PRMT5: variants seen among roughly 807,000 people sequenced by gnomAD.
PRMT5 encodes the protein protein arginine methyltransferase 5.
PRMT5 carries 15 observed loss-of-function variants against 84.0 expected under a neutral mutation model. The ratio of observed to expected loss-of-function variants is 0.18; its 90% CI spans 0.12 to 0.28. The LOEUF (loss-of-function observed/expected upper bound fraction) is 0.28. Ranked by LOEUF, PRMT5 falls within the 10% of genes least tolerant of loss-of-function variation. PRMT5 has a pLI of 1.00. For missense variants in PRMT5, 486 were observed against 808.0 expected, an observed-to-expected ratio of 0.60 and a Z score of 4.83; for synonymous variants, 276 against 292.4, an observed-to-expected ratio of 0.94 and a Z score of 0.57.
Position 22,928,085 on chromosome 14 carries a change from C to G in PRMT5, c.315+41G>C. 6.4e-7 allele frequency: 1 copy of G among 1,569,282 alleles called. No individual in the cohort carries two copies. Among genetic ancestry groups the G allele is most frequent in the Non-Finnish European group, 8.7e-7 (1 of 1,144,904 alleles). ...GGAGGGGACCACTCTCCCCACCCAG[C>G]TTGGTTAGAAAAATCCAGCAGAGAA... On this transcript the variant is annotated intron_variant, in intron 3 of 16. Transcript: ENST00000324366. This position sits in a 1 kb window ranked among gnomAD's most constrained non-coding sequence, Gnocchi z 4.8.
chr14:22,929,274 G>C lies in PRMT5; in HGVS notation c.88C>G (p.Leu30Val), dbSNP rs760315574. 20 of 1,613,816 alleles carry C rather than the reference G, an allele frequency of 1.2e-5. No homozygotes were observed. The African/African-American group carries it at 1.5e-4, about 12-fold the overall frequency. ...CACCCCTGCTTGGCCACAGCCCCTA[G>C]TGTGTCAGCTATTTCGGGGACGCAA... ...LNCVPEIADTLGAVAKQGFDF... is the reference protein window; with the variant it reads ...LNCVPEIADTVGAVAKQGFDF... Residue 30 changes from leucine (L) to valine (V), a missense_variant, in exon 1 of 17, where the codon CTA (leucine) becomes GTA (valine). Around this residue, in one of 4 missense-constraint regions of PRMT5, gnomAD observed 51 missense variants for 53.8 expected, o/e 0.95. Coordinates refer to ENST00000324366, the MANE Select transcript of PRMT5 (RefSeq NM_006109.5).
In PRMT5 at chr14:22,922,235, G is replaced by A. The variant is rs755175826; in HGVS notation, c.1702C>T (p.Arg568Cys). The stretch of plus-strand genomic sequence containing the variant: ...ATCCCAGGAGAGTGAGTCTCTGGAC[G>A]GATACCTGTGTGGACAAAATAATGA... The part of the protein sequence containing the change: ...VLYQDITLSI[R>C]PETHSPGMFS... The change falls in exon 16 of 17, where the codon CGT (arginine) becomes TGT (cysteine). Residue 568 changes from arginine (R) to cysteine (C), a missense_variant. This residue lies in a region of PRMT5 where 219 missense variants were observed against 433.6 expected (regional missense o/e 0.51). Transcript: ENST00000324366. 35 of 1,595,778 alleles carry A rather than the reference G, an allele frequency of 2.2e-5. No homozygotes were observed. Among genetic ancestry groups the A allele is most frequent in the East Asian group, 4.5e-5 (2 of 44,818 alleles).
Position 22,928,635 on chromosome 14 carries a change from A to G in PRMT5, c.111-20T>C, listed in dbSNP as rs757554647. 3.5e-5 allele frequency: 54 copies of G among 1,560,646 alleles called. No individual in the cohort carries two copies. The highest frequency in any genetic ancestry group is 4.5e-5 in the Non-Finnish European group (51 of 1,131,544). ...TCAAACCTACAACCGCGACAGACCC[A>G]GAATCATGTAAAGACAGCAGCAGTG... is the stretch of plus-strand genomic sequence containing the variant. On this transcript the variant is annotated intron_variant, in intron 1 of 16. Transcript: ENST00000324366. The surrounding 1 kb of genome is among the most constrained non-coding windows in gnomAD (Gnocchi z 4.8).
intron 16 of PRMT5, 22 bp downstream of exon 16, chr14:22,922,154 G>C (rs746568218): frequency 3.9e-6 from 6 of 1,532,508 alleles, no homozygotes; most frequent in Admixed American, 3.3e-5. Context: ...CTTAACTAGA[G>C]AGTCTTAAAA....
chr14:22,928,047 G>A lies in PRMT5; in HGVS notation c.315+79C>T. On this transcript the variant is annotated intron_variant, in intron 3 of 16. Transcript: ENST00000324366. The surrounding 1 kb of genome is among the most constrained non-coding windows in gnomAD (Gnocchi z 4.8). Reference sequence around the variant, plus strand: ...TTCATTCTATCAGTTAATTTACCAAGTTATTGGGGATGGGAGGGGACCACT... The same window carrying A: ...TTCATTCTATCAGTTAATTTACCAAATTATTGGGGATGGGAGGGGACCACT... 1 of 1,247,652 alleles carries A rather than the reference G, an allele frequency of 8.0e-7. No homozygotes were observed. The highest frequency in any genetic ancestry group is 1.3e-5 in the South Asian group (1 of 75,660). 77.3% of individuals were successfully genotyped at this position (1,247,652 alleles called of 1,614,324 possible).
At chr14:22,927,182 T>C (rs1242184453) in intron 4 of PRMT5, among the ~76,000 whole-genome samples, 3 of 150,624 alleles carry the variant, frequency 2.0e-5, no homozygotes, top group Non-Finnish European at 3.0e-5. Context: ...GCCTCACAGG[T>C]TCAAGTCATC....
At position 22,923,966 on chromosome 14, in the gene PRMT5, C is replaced by T. The variant is rs764842659; in HGVS notation, c.1375+42G>A. The T allele has an allele frequency of 1.1e-5, 17 of 1,520,464 alleles. No homozygotes were observed. The highest frequency in any genetic ancestry group is 1.1e-4 in the African/African-American group (8 of 71,596). The allele number at this position is 1,520,464 out of a possible 1,614,324, so 94.2% of individuals were successfully genotyped here. A position where few individuals can be genotyped will look rare whatever the true frequency, so the allele number is the denominator to read the frequency against. ...GTACCCTCCTCCCAGGTTGCTGTCT[C>T]ACCCATCATCACCCTCCACCTACAC... On this transcript the variant is annotated intron_variant, in intron 12 of 16. Transcript: ENST00000324366. The surrounding 1 kb of genome is among the most constrained non-coding windows in gnomAD (Gnocchi z 5.2).
chr14:22,929,256 G>C lies in PRMT5; in HGVS notation c.106C>G (p.Gln36Glu). ...IADTLGAVAK[Q>E]GFDFLCMPVF... ...TCGTGGAGGTCCGGCCCTCACCCCT[G>C]CTTGGCCACAGCCCCTAGTGTGTCA... The change falls in exon 1 of 17, where the codon CAG becomes GAG. Residue 36 changes from glutamine to glutamate, a missense_variant. Gln to Glu is a conservative substitution (Grantham distance 29, BLOSUM62 2). Around this residue, in one of 4 missense-constraint regions of PRMT5, gnomAD observed 51 missense variants for 53.8 expected, o/e 0.95. Coordinates refer to ENST00000324366, the MANE Select transcript of PRMT5 (RefSeq NM_006109.5). The C allele has an allele frequency of 6.2e-7, 1 of 1,613,986 alleles. No individual in the cohort carries two copies. Among genetic ancestry groups the C allele is most frequent in the Non-Finnish European group, 8.5e-7 (1 of 1,180,010 alleles).
chr14:22,922,046 G>A, intron 16 of PRMT5, 130 bp downstream of exon 16: 2 of 845,536 alleles, frequency 2.4e-6, no homozygotes, highest in Admixed American at 4.1e-5. Context: ...ACCTACCACT[G>A]GGATCCAAGA....
In PRMT5 at chr14:22,924,580, C is replaced by T. The variant is rs1017387831; in HGVS notation, c.1018-43G>A. The T allele has an allele frequency of 1.2e-6, 2 of 1,612,580 alleles. No individual in the cohort carries two copies. Among genetic ancestry groups the T allele is most frequent in the Admixed American group, 1.7e-5 (1 of 59,998 alleles). ...TATCCCATGGTTGTAATCCCATCCT[C>T]CCCAGGTCATGCTGGCCCTGTGCTT... On this transcript the variant is annotated intron_variant, in intron 9 of 16. Transcript: ENST00000324366. This position sits in a 1 kb window ranked among gnomAD's most constrained non-coding sequence, Gnocchi z 6.5.
Position 22,920,802 on chromosome 14 carries a change from A to C in PRMT5, c.*102T>G. Reference sequence around the variant, plus strand: ...AAGCAGATTGAAATGCTCCTCTCTGATGGGCAAGGGGAATCACAGCCCATA... The same window carrying C: ...AAGCAGATTGAAATGCTCCTCTCTGCTGGGCAAGGGGAATCACAGCCCATA... On this transcript the variant is annotated 3_prime_UTR_variant, in exon 17 of 17. Coordinates refer to ENST00000324366, the MANE Select transcript of PRMT5 (RefSeq NM_006109.5). The C allele has an allele frequency of 6.6e-7, 1 of 1,509,176 alleles. No individual in the cohort carries two copies. Among genetic ancestry groups the C allele is most frequent in the Non-Finnish European group, 9.2e-7 (1 of 1,084,974 alleles). The allele number at this position is 1,509,176 out of a possible 1,614,324, so 93.5% of individuals were successfully genotyped here. A position where few individuals can be genotyped will look rare whatever the true frequency, so the allele number is the denominator to read the frequency against.
At chr14:22,921,085 G>A (rs750956633) in intron 16 of PRMT5, 29 bp from the exon 17 acceptor site, 2 of 1,612,684 alleles carry the variant, frequency 1.2e-6, no homozygotes, top group East Asian at 2.2e-5. Flanking sequence ...GAAGGTTCAG[G>A]GTGAAGCTAT....
chr14:22,925,520 C>G (rs1284433669), intron 7 of PRMT5, among the ~76,000 whole-genome samples: 1 of 152,028 alleles, frequency 6.6e-6, no homozygotes, highest in Non-Finnish European at 1.5e-5. Context: ...CTTCAGTAAA[C>G]TTATAAAAAG....
Position 22,926,730 on chromosome 14 carries a change from ACTC to A in PRMT5, c.532_534del (p.Glu178del), listed in dbSNP as rs772942866. 1 of 1,613,862 alleles carries A rather than the reference ACTC, an allele frequency of 6.2e-7. No individual in the cohort carries two copies. Among genetic ancestry groups the A allele is most frequent in the East Asian group, 2.2e-5 (1 of 44,862 alleles). ...ATCCACGTTTTCTCCTCCCCACTGTACTCCTCTGTGTGTGTAGTTGGTGCATTC... is the reference window on the plus strand; with the variant it reads ...ATCCACGTTTTCTCCTCCCCACTGTACTCTGTGTGTGTAGTTGGTGCATTC... On this transcript the variant is annotated inframe_deletion, in exon 5 of 17. Transcript: ENST00000324366.
At position 22,928,170 on chromosome 14, in the gene PRMT5, G is replaced by T; in HGVS notation, c.271C>A (p.Arg91Ser). The stretch of plus-strand genomic sequence containing the variant: ...ATCTTCTCCACTTTTGAGTCTGGAC[G>T]AATCCATGGAGAAAGCTTTCCCACA... Reference protein sequence around the residue: ...LIVGKLSPWIRPDSKVEKIRR... With the variant: ...LIVGKLSPWISPDSKVEKIRR... The change falls in exon 3 of 17, where the codon CGT (arginine) becomes AGT (serine). Residue 91 changes from arginine to serine, a missense_variant. Physicochemically the swap from Arg to Ser is moderately radical, Grantham distance 110. Transcript: ENST00000324366. The surrounding 1 kb of genome is among the most constrained non-coding windows in gnomAD (Gnocchi z 4.8). 1 of 1,614,110 alleles carries T rather than the reference G, an allele frequency of 6.2e-7. No homozygotes were observed. Among genetic ancestry groups the T allele is most frequent in the Non-Finnish European group, 8.5e-7 (1 of 1,180,036 alleles).
Position 22,926,580 on chromosome 14 carries a change from A to G in PRMT5, c.564-25T>C, listed in dbSNP as rs1379951277. On this transcript the variant is annotated intron_variant, in intron 5 of 16. Transcript: ENST00000324366. ...CCTGTTCAGTCAAATACAGAAAAGT[A>G]CAGTAAACTAGATATGGCCGACCAA... is the stretch of plus-strand genomic sequence containing the variant. The G allele has an allele frequency of 3.1e-6, 5 of 1,613,914 alleles. No homozygotes were observed. The East Asian group carries it at 1.1e-4, about 36-fold the overall frequency.
chr14:22,928,190 C>A lies in PRMT5; in HGVS notation c.251G>T (p.Gly84Val), dbSNP rs779549081. The stretch of plus-strand genomic sequence containing the variant: ...TGGACGAATCCATGGAGAAAGCTTT[C>A]CCACAATTAGCGTATTCCAGTCTGC... ...SGRDWNTLIVGKLSPWIRPDS... is the reference protein window; with the variant it reads ...SGRDWNTLIVVKLSPWIRPDS... The change falls in exon 3 of 17, where the codon GGA (glycine) becomes GTA (valine). Residue 84 changes from glycine to valine, a missense_variant. By Grantham distance (109) the Gly-to-Val change is moderately radical. Transcript: ENST00000324366. This position sits in a 1 kb window ranked among gnomAD's most constrained non-coding sequence, Gnocchi z 4.8. 1 of 1,614,160 alleles carries A rather than the reference C, an allele frequency of 6.2e-7. No homozygotes were observed. Among genetic ancestry groups the A allele is most frequent in the South Asian group, 1.1e-5 (1 of 91,084 alleles).
chr14:22,923,065 C>T lies in PRMT5; in HGVS notation c.1471G>A (p.Asp491Asn). ...TGGTTCTTTACCTCAGGGTCACGGT[C>T]CTTCTCCCTACAGGCTCGGACCTCA... Reference protein sequence around the residue: ...YNEVRACREKDRDPEAQFEMP... With the variant: ...YNEVRACREKNRDPEAQFEMP... Residue 491 changes from aspartate to asparagine, a missense_variant, in exon 13 of 17, where the codon GAC (aspartate) becomes AAC (asparagine). Physicochemically the swap from Asp to Asn is conservative, Grantham distance 23. Around this residue, in one of 4 missense-constraint regions of PRMT5, gnomAD observed 219 missense variants for 433.6 expected, o/e 0.51. Transcript: ENST00000324366. This position sits in a 1 kb window ranked among gnomAD's most constrained non-coding sequence, Gnocchi z 5.2. 2.5e-6 allele frequency: 4 copies of T among 1,611,122 alleles called. No homozygotes were observed. Among genetic ancestry groups the T allele is most frequent in the Non-Finnish European group, 3.4e-6 (4 of 1,178,232 alleles).
chr14:22,927,590 T>C lies in PRMT5; in HGVS notation c.386A>G (p.Glu129Gly), dbSNP rs1459704486. 4 of 1,614,114 alleles carry C rather than the reference T, an allele frequency of 2.5e-6. No individual in the cohort carries two copies. Among genetic ancestry groups the C allele is most frequent in the Non-Finnish European group, 3.4e-6 (4 of 1,180,034 alleles). Residue 129 changes from glutamate to glycine, a missense_variant, in exon 4 of 17, where the codon GAA becomes GGA. By Grantham distance (98) the Glu-to-Gly change is moderately conservative. This residue lies in a region of PRMT5 where 215 missense variants were observed against 301.1 expected (regional missense o/e 0.71). Transcript: ENST00000324366. Reference sequence around the variant, plus strand: ...AACTCTGGCCAGGTTGGTGTTATCTTCCTGATTAAGGGGCAGCAGGAAAGC... The same window carrying C: ...AACTCTGGCCAGGTTGGTGTTATCTCCCTGATTAAGGGGCAGCAGGAAAGC... ...LPAFLLPLNQ[E>G]DNTNLARVLT...
Sources: allele counts gnomAD v4.1 joint callset (sites outside exome capture counted in the v4.1 genomes callset), GRCh38; gene constraint gnomAD v4.1.1; regional missense constraint gnomAD v4.1.1; non-coding constraint Gnocchi (gnomAD v3.1); transcripts MANE v1.5; gene names NCBI Gene and HGNC (gene_info 2026-07-23, HGNC 2026-07-21).